SNX29: variants seen among roughly 807,000 people sequenced by gnomAD.
The protein encoded by SNX29 is sorting nexin 29, also known as sorting nexin-29.
In SNX29, 78 loss-of-function variants were observed where a neutral mutation model predicts 102.1. That is an observed-to-expected ratio of 0.76 (90% CI 0.64 to 0.92). The LOEUF (loss-of-function observed/expected upper bound fraction) is 0.92, where lower values mean the gene tolerates loss of function less well. Ranked by LOEUF, SNX29 falls within the 40% of genes least tolerant of loss-of-function variation. The pLI is 0.00. For synonymous variants in SNX29, 580 were observed against 414.5 expected (o/e 1.40, Z -4.85); for missense variants, 1,280 against 1,061.7 (o/e 1.21, Z -2.86).
intron 14 of SNX29, 115 bp downstream of exon 14, chr16:12,199,798 T>A: frequency 1.2e-6 from 1 of 841,560 alleles, no homozygotes; most frequent in Non-Finnish European, 1.9e-6. Flanking sequence ...TGGATTAGAA[T>A]AATGGTGCTG....
chr16:12,540,680 C>G (rs1347568145), intron 20 of SNX29, among the ~76,000 whole-genome samples: 4 of 152,212 alleles, frequency 2.6e-5, no homozygotes, highest in Non-Finnish European at 5.9e-5. Context: ...CTGCTGGTCC[C>G]TCTTGTTGTA....
chr16:12,219,500 C>A (rs993974278), intron 14 of SNX29, among the ~76,000 whole-genome samples: 1 of 152,146 alleles, frequency 6.6e-6, no homozygotes, highest in Non-Finnish European at 1.5e-5. Context: ...CGCTACCTTG[C>A]TAATGACATA....
intron 20 of SNX29, among the ~76,000 whole-genome samples, chr16:12,561,927 T>C (rs986614128): frequency 3.9e-5 from 6 of 152,074 alleles, no homozygotes; most frequent in Admixed American, 3.9e-4. Flanking sequence ...GCCTTCCAGG[T>C]GAGCTTAGAG....
intron 19 of SNX29, among the ~76,000 whole-genome samples, chr16:12,491,042 G>C (rs1388479647): frequency 2.6e-5 from 4 of 152,222 alleles, no homozygotes; most frequent in African/African-American, 9.6e-5. Context: ...CACAACTGCT[G>C]TTCTTCACCA....
intron 16 of SNX29, among the ~76,000 whole-genome samples, chr16:12,370,774 G>A (rs994694119): frequency 6.6e-6 from 1 of 152,168 alleles, no homozygotes; most frequent in African/African-American, 2.4e-5. Flanking sequence ...CTGGCCAGCT[G>A]GTCTGTGGGA....
At chr16:12,332,440 G>T (rs1161714971) in intron 15 of SNX29, among the ~76,000 whole-genome samples, 2 of 152,192 alleles carry the variant, frequency 1.3e-5, no homozygotes, top group African/African-American at 2.4e-5. Flanking sequence ...TGTTAAAGCT[G>T]TGTTATTGGT....
chr16:12,376,888 A>G (rs1032719706), intron 16 of SNX29, among the ~76,000 whole-genome samples: 5 of 151,842 alleles, frequency 3.3e-5, no homozygotes, highest in Non-Finnish European at 7.4e-5. Flanking sequence ...ATTGTCTCAC[A>G]TGTCTGTAAT....
In SNX29 at chr16:12,476,419, T is replaced by TATATATATATATATAC. The variant is rs2087637258; in HGVS notation, c.2038-1285_2038-1284insCATATATATATATATA. On this transcript the variant is annotated intron_variant, in intron 18 of 20. Transcript: ENST00000566228. ...ATATATATATATATATATACATATATATATATATATATATATATATATATG... is the reference window on the plus strand; with the variant it reads ...ATATATATATATATATATACATATATATATATATATATATACATATATATATATATATATATATATG... 1.5e-4 allele frequency among the ~76,000 whole-genome samples: 6 copies of TATATATATATATATAC among 41,202 alleles called. 1 individual carries two copies. The highest frequency in any genetic ancestry group is 3.9e-4 in the Admixed American group (1 of 2,596). 27.0% of individuals were successfully genotyped at this position (41,202 alleles called of 152,430 possible).
chr16:12,548,838 C>G (rs1341392595), intron 20 of SNX29, among the ~76,000 whole-genome samples: 6 of 152,184 alleles, frequency 3.9e-5, no homozygotes, highest in East Asian at 1.9e-4. Flanking sequence ...CCCTGTCTAG[C>G]TCTCAGTTCC....
intron 18 of SNX29, among the ~76,000 whole-genome samples, chr16:12,421,451 G>A (rs746616646): frequency 6.6e-6 from 1 of 152,222 alleles, no homozygotes; most frequent in Non-Finnish European, 1.5e-5. Context: ...AGCCAGCTGT[G>A]TTGTAAACAG....
At chr16:12,564,575 C>T (rs1008484545) in intron 20 of SNX29, among the ~76,000 whole-genome samples, 3 of 152,186 alleles carry the variant, frequency 2.0e-5, no homozygotes, top group Non-Finnish European at 4.4e-5. Flanking sequence ...GATTGCCATC[C>T]AGACGCCCCT....
chr16:11,983,033 T>G (rs1323242076), intron 1 of SNX29, among the ~76,000 whole-genome samples: 1 of 151,874 alleles, frequency 6.6e-6, no homozygotes, highest in Non-Finnish European at 1.5e-5. Flanking sequence ...TGGGCTCCAG[T>G]GATTCTCTTG....
chr16:12,460,065 T>A (rs1949757481), intron 18 of SNX29, among the ~76,000 whole-genome samples: 2 of 152,202 alleles, frequency 1.3e-5, no homozygotes, highest in South Asian at 4.1e-4. Context: ...CATAGTTAGC[T>A]GTGGCAGGAG....
At chr16:12,075,495 A>C (rs1401048331) in intron 10 of SNX29, among the ~76,000 whole-genome samples, 1 of 152,138 alleles carries the variant, frequency 6.6e-6, no homozygotes, top group Non-Finnish European at 1.5e-5. Context: ...GTGATCCGCG[A>C]ATGCTGCTGT....
intron 13 of SNX29, among the ~76,000 whole-genome samples, chr16:12,195,236 A>G (rs144530411): frequency 1.2e-3 from 184 of 152,370 alleles, no homozygotes; most frequent in African/African-American, 3.9e-3. Flanking sequence ...TGACAGTCCT[A>G]TAGCGTCCTA....
intron 18 of SNX29, among the ~76,000 whole-genome samples, chr16:12,445,070 T>TG (rs1272259403): frequency 1.3e-5 from 2 of 152,088 alleles, no homozygotes; most frequent in Non-Finnish European, 2.9e-5. Context: ...AGGCTGATCT[T>TG]GAACTCCTGA....
rs773697879 is a variant in SNX29 at position 12,314,759 on chromosome 16, C to T, written c.1782+36723C>T. 2.8e-4 allele frequency among the ~76,000 whole-genome samples: 42 copies of T among 152,168 alleles called. 1 individual carries two copies. The highest frequency in any genetic ancestry group is 7.9e-4 in the Admixed American group (12 of 15,280). On this transcript the variant is annotated intron_variant, in intron 15 of 20. Transcript: ENST00000566228. ...GGATAGTCAGCAGTTGCAGTGTTCACTTGAATTGGTTCTGATTGAAACTGT... is the reference window on the plus strand; with the variant it reads ...GGATAGTCAGCAGTTGCAGTGTTCATTTGAATTGGTTCTGATTGAAACTGT...
intron 15 of SNX29, among the ~76,000 whole-genome samples, chr16:12,318,878 C>T (rs941743461): frequency 6.6e-5 from 10 of 152,084 alleles, no homozygotes; most frequent in African/African-American, 2.2e-4. Context: ...TGACTAAGGT[C>T]TGAGTCCTGA....
intron 19 of SNX29, among the ~76,000 whole-genome samples, chr16:12,493,473 A>T (rs975187779): frequency 6.6e-6 from 1 of 152,248 alleles, no homozygotes; most frequent in Non-Finnish European, 1.5e-5. Flanking sequence ...CAATCATGTC[A>T]TCTGCAAACA....
Sources: gnomAD v4.1 joint callset for allele counts (sites outside exome capture counted in the v4.1 genomes callset) on GRCh38, gnomAD v4.1.1 for gene constraint, MANE v1.5 for transcripts, NCBI Gene and HGNC (gene_info 2026-07-23, HGNC 2026-07-21) for gene names.